AFF1: variants seen among roughly 807,000 people sequenced by gnomAD.
AFF1 encodes the protein AF4/FMR2 family member 1.
In AFF1, 48 loss-of-function variants were observed where a neutral mutation model predicts 121.7. The ratio of observed to expected loss-of-function variants is 0.39; its 90% CI spans 0.31 to 0.50. AFF1 has a LOEUF of 0.50. Among genes scored for constraint, AFF1 ranks in the 20% least tolerant of loss-of-function variants. The pLI, the probability that AFF1 is intolerant of heterozygous loss-of-function variation, is 0.76. For synonymous variants in AFF1, 613 were observed against 563.0 expected, an observed-to-expected ratio of 1.09 and a Z score of -1.26; for missense variants, 1,523 against 1,511.7, an observed-to-expected ratio of 1.01 and a Z score of -0.12.
intron 2 of AFF1, among the ~76,000 whole-genome samples, chr4:86,989,377 T>C (rs1553913457): frequency 6.6e-6 from 1 of 152,128 alleles, no homozygotes; most frequent in Non-Finnish European, 1.5e-5. Flanking sequence ...AGGATATGAA[T>C]AGAGACTTCT....
chr4:86,952,862 A>AT (rs1721462973), intron 2 of AFF1, among the ~76,000 whole-genome samples: 1 of 131,990 alleles, frequency 7.6e-6, no homozygotes, highest in African/African-American at 2.8e-5. Context: ...TGTATTTTGT[A>AT]TTTTTTATTT....
At chr4:87,066,381 T>C in intron 4 of AFF1, among the ~76,000 whole-genome samples, 1 of 152,104 alleles carries the variant, frequency 6.6e-6, no homozygotes, top group East Asian at 1.9e-4. Context: ...GCCAGGAGTT[T>C]TGAGACTAGC....
At chr4:87,104,696 A>C (rs1725736502) in intron 8 of AFF1, among the ~76,000 whole-genome samples, 1 of 152,234 alleles carries the variant, frequency 6.6e-6, no homozygotes, top group Admixed American at 6.5e-5. Context: ...CAGATTTTTG[A>C]ATAGGTGTTT....
At chr4:87,056,935 G>A (rs1055427852) in intron 4 of AFF1, among the ~76,000 whole-genome samples, 5 of 152,236 alleles carry the variant, frequency 3.3e-5, no homozygotes, top group Admixed American at 2.0e-4. Context: ...TTTACTGAGA[G>A]ATTTAGAGGT....
At chr4:87,092,063 C>T (rs533421921) in intron 7 of AFF1, among the ~76,000 whole-genome samples, 4 of 152,300 alleles carry the variant, frequency 2.6e-5, no homozygotes, top group East Asian at 1.9e-4. Flanking sequence ...GCAGTTGGAT[C>T]GCTTGAGCCT....
intron 2 of AFF1, among the ~76,000 whole-genome samples, chr4:86,975,438 A>G (rs1279984850): frequency 5.3e-5 from 8 of 152,058 alleles, no homozygotes; most frequent in Non-Finnish European, 1.2e-4. Flanking sequence ...TCTTGTTGAG[A>G]TGAGGTTTCA....
Position 86,969,332 on chromosome 4 carries a change from A to G in AFF1, c.38+20761A>G, listed in dbSNP as rs569331137. Among the ~76,000 whole-genome samples, 57 of 151,712 alleles carry G rather than the reference A, an allele frequency of 3.8e-4. 1 individual carries two copies. In the South Asian group the frequency reaches 0.012, roughly 31 times the overall value. Reference sequence around the variant, plus strand: ...GTCTCTACTAAAAACACAAAAAATTAGCTTGGCGTGGTGGCACGTGCCTGT... The same window carrying G: ...GTCTCTACTAAAAACACAAAAAATTGGCTTGGCGTGGTGGCACGTGCCTGT... On this transcript the variant is annotated intron_variant, in intron 2 of 20. Transcript: ENST00000395146.
chr4:87,084,199 A>T, intron 5 of AFF1, 35 bp downstream of exon 5: 1 of 1,599,764 alleles, frequency 6.3e-7, no homozygotes. Flanking sequence ...ATTTGAAGAA[A>T]TATTTAAGTA....
intron 4 of AFF1, among the ~76,000 whole-genome samples, chr4:87,066,829 CT>C (rs1266231784): frequency 6.6e-6 from 1 of 152,188 alleles, no homozygotes; most frequent in Non-Finnish European, 1.5e-5. Flanking sequence ...GCCCTGGCTC[CT>C]TTCATCCTCA....
intron 2 of AFF1, among the ~76,000 whole-genome samples, chr4:86,971,189 A>G (rs10516786): frequency 0.18 from 27,825 of 152,094 alleles, 2,740 homozygotes; most frequent in East Asian, 0.31. Context: ...TTGGCACAGG[A>G]ACATAAAACA....
chr4:87,039,922 G>GA (rs1012501022), intron 2 of AFF1, among the ~76,000 whole-genome samples: 4 of 149,672 alleles, frequency 2.7e-5, no homozygotes. Context: ...TTATTTTTGA[G>GA]ATGGAGTCTC....
intron 4 of AFF1, among the ~76,000 whole-genome samples, chr4:87,061,618 C>T (rs1190206366): frequency 1.3e-5 from 2 of 152,190 alleles, no homozygotes; most frequent in Non-Finnish European, 2.9e-5. Context: ...AACATACAGT[C>T]TTACAGCGCA....
intron 11 of AFF1, among the ~76,000 whole-genome samples, chr4:87,111,805 T>C (rs1726569623): frequency 6.6e-6 from 1 of 152,244 alleles, no homozygotes; most frequent in Non-Finnish European, 1.5e-5. Context: ...TACTCAATTT[T>C]ACCCTCAAAT....
At chr4:87,049,518 G>A in intron 4 of AFF1, 1 of 381,646 alleles carries the variant, frequency 2.6e-6, no homozygotes, top group Non-Finnish European at 5.2e-6. Flanking sequence ...ATGTTAATTG[G>A]CTCTTGCATG....
In AFF1 at chr4:86,985,168, A is replaced by G. The variant is rs868499394; in HGVS notation, c.38+36597A>G. On this transcript the variant is annotated intron_variant, in intron 2 of 20. Coordinates refer to ENST00000395146, the MANE Select transcript of AFF1 (RefSeq NM_001166693.3). ...CATAATATATAAAAATATAATATAT[A>G]TAATATGTATTACTATATATATATA... Among the ~76,000 whole-genome samples, 707 of 101,832 alleles carry G rather than the reference A, an allele frequency of 6.9e-3. 7 individuals are homozygous for G. Among genetic ancestry groups the G allele is most frequent in the Non-Finnish European group, 0.011 (583 of 52,602 alleles). The allele number at this position is 101,832 out of a possible 152,430, so 66.8% of individuals were successfully genotyped here.
chr4:87,025,507 A>G (rs1369191554), intron 2 of AFF1, among the ~76,000 whole-genome samples: 2 of 152,188 alleles, frequency 1.3e-5, no homozygotes, highest in African/African-American at 2.4e-5. Flanking sequence ...GGTGGCTGCT[A>G]TCCCAGTAGA....
intron 2 of AFF1, among the ~76,000 whole-genome samples, chr4:86,991,923 C>T (rs1461331346): frequency 6.8e-6 from 1 of 146,894 alleles, no homozygotes. Context: ...TTTCAACCTT[C>T]AGACACTTCT....
intron 2 of AFF1, among the ~76,000 whole-genome samples, chr4:87,026,531 G>C (rs1728552671): frequency 1.3e-5 from 2 of 152,310 alleles, no homozygotes; most frequent in East Asian, 1.9e-4. Context: ...AGCAGTCTCT[G>C]TGTGGGGACC....
At chr4:87,032,083 C>T (rs1309713194) in intron 2 of AFF1, among the ~76,000 whole-genome samples, 2 of 152,176 alleles carry the variant, frequency 1.3e-5, no homozygotes, top group Non-Finnish European at 2.9e-5. Context: ...TTGTAAGGCT[C>T]ACAACACGGC....
Sources: allele counts gnomAD v4.1 joint callset (sites outside exome capture counted in the v4.1 genomes callset), GRCh38; gene constraint gnomAD v4.1.1; transcripts MANE v1.5; gene names NCBI Gene and HGNC (gene_info 2026-07-23, HGNC 2026-07-21).